BSCL2: variants seen among roughly 807,000 people sequenced by gnomAD.
BSCL2 encodes the protein BSCL2 lipid droplet biogenesis associated, seipin.
BSCL2 carries 41 observed loss-of-function variants against 57.4 expected under a neutral mutation model. The ratio of observed to expected loss-of-function variants is 0.71; its 90% CI spans 0.56 to 0.93. The LOEUF is 0.93. Ranked by LOEUF, BSCL2 falls within the 40% of genes least tolerant of loss-of-function variation. The pLI is 0.00. For synonymous variants in BSCL2, 237 were observed against 227.3 expected, an observed-to-expected ratio of 1.04 and a Z score of -0.38; for missense variants, 539 against 586.7, an observed-to-expected ratio of 0.92 and a Z score of 0.84.
Position 62,690,597 on chromosome 11 carries a change from C to T in BSCL2, c.1234+15G>A, listed in dbSNP as rs957573465. 6.2e-7 allele frequency: 1 copy of T among 1,613,994 alleles called. No homozygotes were observed. Among genetic ancestry groups the T allele is most frequent in the Non-Finnish European group, 8.5e-7 (1 of 1,179,984 alleles). On this transcript the variant is annotated intron_variant, in intron 10 of 10. Coordinates refer to ENST00000360796, the MANE Select transcript of BSCL2 (RefSeq NM_001122955.4). ...CGGGGGCCCCACCCAGGTCACGCTG[C>T]AGGATGCCCCTCACCATCACTGGCC...
At chr11:62,706,749 T>G (rs1440526367) in intron 1 of BSCL2, 3 of 520,098 alleles carry the variant, frequency 5.8e-6, no homozygotes, top group Middle Eastern at 3.0e-4. Flanking sequence ...TGTTGCAGTT[T>G]GCGGCAACCT....
At chr11:62,702,314 C>T (rs760951170) in intron 3 of BSCL2, among the ~76,000 whole-genome samples, 154 bp downstream of exon 3, 6 of 152,184 alleles carry the variant, frequency 3.9e-5, no homozygotes, top group Non-Finnish European at 8.8e-5. Context: ...GATCTGCCCA[C>T]CTCAGCCTCC....
At chr11:62,708,095 T>C, upstream of BSCL2, 2 of 594,890 alleles carry the variant, frequency 3.4e-6, no homozygotes, top group South Asian at 1.9e-5. Flanking sequence ...CATGAGGGAG[T>C]TTGGGGAGCA....
At chr11:62,695,220 G>C (rs931345073) in intron 3 of BSCL2, among the ~76,000 whole-genome samples, 10 of 152,162 alleles carry the variant, frequency 6.6e-5, no homozygotes, top group Non-Finnish European at 1.5e-4. Context: ...GAGTAGGAAG[G>C]CTTCTTCACA....
At chr11:62,691,961 A>T (rs1334278620) in intron 6 of BSCL2, among the ~76,000 whole-genome samples, 1 of 151,672 alleles carries the variant, frequency 6.6e-6, no homozygotes, top group Admixed American at 6.6e-5. Context: ...CTGAGGCAGG[A>T]GAATGGTGTG....
intron 3 of BSCL2, among the ~76,000 whole-genome samples, chr11:62,697,909 C>CAT (rs1554984285): frequency 2.8e-4 from 39 of 141,114 alleles, no homozygotes; most frequent in African/African-American, 8.8e-4. Flanking sequence ...AATCCACATC[C>CAT]TTTTTTTTTT....
chr11:62,693,248 A>G (rs924473305), intron 4 of BSCL2, among the ~76,000 whole-genome samples: 1 of 152,172 alleles, frequency 6.6e-6, no homozygotes, highest in Admixed American at 6.5e-5. Flanking sequence ...TCACACCTGT[A>G]CTTGCAGCAC....
intron 2 of BSCL2, among the ~76,000 whole-genome samples, chr11:62,704,112 G>C (rs1349042730): frequency 7.0e-6 from 1 of 143,776 alleles, no homozygotes; most frequent in Non-Finnish European, 1.5e-5. Context: ...GCAACAGCAC[G>C]AGACTCTGTC....
intron 1 of BSCL2, chr11:62,706,467 G>A: frequency 4.9e-6 from 2 of 405,132 alleles, no homozygotes; most frequent in Admixed American, 3.4e-5. Context: ...GGCTCTCTCT[G>A]CGGCAGGTTT....
At chr11:62,701,823 T>C (rs1945649000) in intron 3 of BSCL2, among the ~76,000 whole-genome samples, 1 of 137,412 alleles carries the variant, frequency 7.3e-6, no homozygotes, top group Non-Finnish European at 1.6e-5. Flanking sequence ...AGAGTGAGAC[T>C]GTCTGGAAAA....
intron 3 of BSCL2, among the ~76,000 whole-genome samples, chr11:62,699,936 C>T (rs2134721859): frequency 6.6e-6 from 1 of 151,980 alleles, no homozygotes; most frequent in East Asian, 1.9e-4. Flanking sequence ...GCCTCCTCAG[C>T]CTCCCAAAGT....
chr11:62,704,484 T>C (rs1430161573), intron 2 of BSCL2, among the ~76,000 whole-genome samples: 1 of 151,756 alleles, frequency 6.6e-6, no homozygotes, highest in Non-Finnish European at 1.5e-5. Context: ...AGGCGGAGCT[T>C]GCAGTGAGCC....
At chr11:62,691,489 A>C in intron 6 of BSCL2, 68 bp from the exon 7 acceptor site, 1 of 1,573,222 alleles carries the variant, frequency 6.4e-7, no homozygotes, top group Middle Eastern at 1.7e-4. Flanking sequence ...CTCATGTCCC[A>C]GAAATAATTT....
intron 2 of BSCL2, 35 bp downstream of exon 2, chr11:62,705,266 A>G (rs2083507799): frequency 2.6e-6 from 4 of 1,555,290 alleles, no homozygotes; most frequent in South Asian, 1.2e-5. Flanking sequence ...CAATTCCCAT[A>G]GGAGTCCTCT....
intron 3 of BSCL2, among the ~76,000 whole-genome samples, chr11:62,700,742 C>T (rs1323304564): frequency 6.6e-6 from 1 of 152,142 alleles, no homozygotes; most frequent in East Asian, 1.9e-4. Context: ...CACCTGAGGT[C>T]AGGAGTTTTA....
intron 8 of BSCL2, 80 bp from the exon 9 acceptor site, chr11:62,690,947 G>T: frequency 6.3e-7 from 1 of 1,576,646 alleles, no homozygotes; most frequent in Non-Finnish European, 8.7e-7. Flanking sequence ...CACCTTCCTC[G>T]CCTTTCCTTT....
At chr11:62,691,523 G>T in intron 6 of BSCL2, 102 bp from the exon 7 acceptor site, 6 of 1,420,008 alleles carry the variant, frequency 4.2e-6, no homozygotes, top group Non-Finnish European at 5.9e-6. Context: ...AGTGAGTTTG[G>T]TTACAGCTGG....
At chr11:62,699,191 C>CTGTGCCCAGTCAAGT (rs1297628825) in intron 3 of BSCL2, among the ~76,000 whole-genome samples, 2 of 150,478 alleles carry the variant, frequency 1.3e-5, no homozygotes, top group East Asian at 2.0e-4. Context: ...GCGTGAGCCA[C>CTGTGCCCAGTCAAGT]CACGCTTGGC....
chr11:62,693,081 A>G (rs1026523179), intron 4 of BSCL2, among the ~76,000 whole-genome samples: 1 of 152,124 alleles, frequency 6.6e-6, no homozygotes, highest in African/African-American at 2.4e-5. Flanking sequence ...TTTCCCACCA[A>G]GTAGTTCTGT....
Sources: allele counts gnomAD v4.1 joint callset (sites outside exome capture counted in the v4.1 genomes callset), GRCh38; gene constraint gnomAD v4.1.1; transcripts MANE v1.5; gene names NCBI Gene and HGNC (gene_info 2026-07-23, HGNC 2026-07-21).